CTNNA2: variants seen among roughly 807,000 people sequenced by gnomAD.
The protein encoded by CTNNA2 is catenin alpha 2.
A neutral mutation model predicts 101.0 loss-of-function variants in CTNNA2; 42 were observed. That is an observed-to-expected ratio of 0.42 (90% CI 0.32 to 0.54). The LOEUF is 0.54. Ranked by LOEUF, CTNNA2 falls within the 20% of genes least tolerant of loss-of-function variation. The probability of loss-of-function intolerance (pLI) is 0.14; values close to 1 mark genes in which losing one functional copy is unlikely to be tolerated. For synonymous variants in CTNNA2, 450 were observed against 456.4 expected (o/e 0.99, Z 0.18); for missense variants, 871 against 1,223.1 (o/e 0.71, Z 4.29).
chr2:79,258,376 G>A (rs570690216), intron 2 of CTNNA2, among the ~76,000 whole-genome samples: 6 of 152,298 alleles, frequency 3.9e-5, no homozygotes, highest in African/African-American at 1.2e-4. Context: ...GCTAAACAGA[G>A]CTACCTGTTC....
chr2:80,309,036 C>A (rs1175864449), intron 7 of CTNNA2, among the ~76,000 whole-genome samples: 1 of 151,886 alleles, frequency 6.6e-6, no homozygotes, highest in Non-Finnish European at 1.5e-5. Context: ...TTGCAGTGAG[C>A]CGAGATCACG....
At chr2:79,580,858 T>C (rs181400117) in intron 1 of CTNNA2, among the ~76,000 whole-genome samples, 39 of 152,284 alleles carry the variant, frequency 2.6e-4, no homozygotes, top group African/African-American at 8.9e-4. Context: ...CTGGTATATA[T>C]GCATGAGAAA....
intron 8 of CTNNA2, among the ~76,000 whole-genome samples, chr2:80,417,784 A>T (rs1309707567): frequency 1.3e-5 from 2 of 151,938 alleles, no homozygotes; most frequent in African/African-American, 2.4e-5. Flanking sequence ...CCTAGGGATG[A>T]TGGTATTATG....
intron 4 of CTNNA2, among the ~76,000 whole-genome samples, chr2:79,392,806 G>A (rs527409203): frequency 6.6e-6 from 1 of 152,016 alleles, no homozygotes; most frequent in African/African-American, 2.4e-5. Flanking sequence ...GATATCCTAT[G>A]CAGTAGGACC....
At chr2:80,083,653 G>A (rs912253049) in intron 7 of CTNNA2, among the ~76,000 whole-genome samples, 6 of 152,134 alleles carry the variant, frequency 3.9e-5, no homozygotes, top group African/African-American at 1.4e-4. Flanking sequence ...AACTTTGTCA[G>A]AGTCACCAGC....
chr2:80,573,627 G>A (rs540807171), intron 12 of CTNNA2, among the ~76,000 whole-genome samples: 2 of 152,206 alleles, frequency 1.3e-5, no homozygotes, highest in South Asian at 4.1e-4. Flanking sequence ...GAAGCCATTT[G>A]GGTTAAGGTC....
At chr2:79,935,923 A>G (rs1226708165) in intron 7 of CTNNA2, among the ~76,000 whole-genome samples, 3 of 152,234 alleles carry the variant, frequency 2.0e-5, no homozygotes, top group African/African-American at 4.8e-5. Flanking sequence ...TTGGACTGTC[A>G]AAGGACATGA....
chr2:79,753,865 CTCTT>C lies in CTNNA2; in HGVS notation c.298+9285_298+9288del, dbSNP rs1215382026. The stretch of plus-strand genomic sequence containing the variant: ...TTCCACTATTTTCTTTTCTTTTTCT[CTCTT>C]TTTTTTTTTTTTTTTTTGAGATGGA... On this transcript the variant is annotated intron_variant, in intron 3 of 18. Coordinates refer to ENST00000402739, the MANE Select transcript of CTNNA2 (RefSeq NM_001282597.3). Among the ~76,000 whole-genome samples, 5 of 140,216 alleles carry C rather than the reference CTCTT, an allele frequency of 3.6e-5. No homozygotes were observed. In the East Asian group the frequency reaches 1.0e-3, roughly 28 times the overall value. The allele number at this position is 140,216 out of a possible 152,430, so 92.0% of individuals were successfully genotyped here.
intron 7 of CTNNA2, among the ~76,000 whole-genome samples, chr2:80,068,172 A>G (rs1310186952): frequency 6.6e-6 from 1 of 152,206 alleles, no homozygotes; most frequent in African/African-American, 2.4e-5. Flanking sequence ...CAGGAAAAGG[A>G]CCCAGCAGGC....
chr2:79,213,955 A>T (rs1674212281), intron 2 of CTNNA2, among the ~76,000 whole-genome samples: 1 of 152,180 alleles, frequency 6.6e-6, no homozygotes, highest in South Asian at 2.1e-4. Context: ...GGCTAGGCTA[A>T]AACAGTAAGG....
chr2:79,290,568 G>T (rs13418768), intron 2 of CTNNA2, among the ~76,000 whole-genome samples: 1 of 151,994 alleles, frequency 6.6e-6, no homozygotes, highest in Non-Finnish European at 1.5e-5. Flanking sequence ...GTGACTCATC[G>T]TCGAGAGGAA....
chr2:80,639,151 T>C (rs908046799), intron 18 of CTNNA2, among the ~76,000 whole-genome samples: 7 of 152,214 alleles, frequency 4.6e-5, no homozygotes, highest in African/African-American at 1.7e-4. Flanking sequence ...CTTTAGGAGT[T>C]ATCGCACAGA....
intron 9 of CTNNA2, among the ~76,000 whole-genome samples, chr2:80,439,898 C>CA (rs1682405955): frequency 6.6e-6 from 1 of 152,084 alleles, no homozygotes; most frequent in African/African-American, 2.4e-5. Context: ...CTACTATGTG[C>CA]CAATAGTATT....
intron 11 of CTNNA2, among the ~76,000 whole-genome samples, chr2:80,551,489 TTAGC>T (rs959177346): frequency 2.0e-5 from 3 of 152,242 alleles, no homozygotes; most frequent in Middle Eastern, 3.2e-3. Flanking sequence ...ATCAATGATC[TTAGC>T]TAGATCTTTA....
At chr2:79,402,382 G>T (rs1038061861) in intron 4 of CTNNA2, among the ~76,000 whole-genome samples, 2 of 151,688 alleles carry the variant, frequency 1.3e-5, no homozygotes, top group African/African-American at 4.8e-5. Flanking sequence ...TTATCTGCAG[G>T]GGATGTGTCT....
Position 80,314,511 on chromosome 2 carries a change from G to A in CTNNA2, c.1057-78700G>A, listed in dbSNP as rs564098846. ...ATAGCAAGCAGCCTTTAACATATAG[G>A]GATGGCCATGGGACTGTCATTATTA... On this transcript the variant is annotated intron_variant, in intron 7 of 18. Coordinates refer to ENST00000402739, the MANE Select transcript of CTNNA2 (RefSeq NM_001282597.3). Among the ~76,000 whole-genome samples the A allele has an allele frequency of 5.9e-5, 9 of 152,224 alleles. No homozygotes were observed. The South Asian group carries it at 1.9e-3, about 32-fold the overall frequency.
intron 2 of CTNNA2, among the ~76,000 whole-genome samples, chr2:79,656,541 T>A (rs566228081): frequency 6.6e-6 from 1 of 152,276 alleles, no homozygotes; most frequent in Non-Finnish European, 1.5e-5. Context: ...AGGAATTTAC[T>A]GTTGATTAAT....
intron 13 of CTNNA2, 135 bp from the exon 14 acceptor site, chr2:80,581,571 C>A: frequency 1.7e-6 from 1 of 602,488 alleles, no homozygotes; most frequent in Non-Finnish European, 3.0e-6. Flanking sequence ...TACTCACCCA[C>A]ATAGCTGTGT....
intron 2 of CTNNA2, among the ~76,000 whole-genome samples, chr2:79,255,736 A>G (rs1674836503): frequency 6.6e-6 from 1 of 152,226 alleles, no homozygotes; most frequent in African/African-American, 2.4e-5. Flanking sequence ...TATTGTATGC[A>G]TAAGTTTATT....
Sources: allele counts gnomAD v4.1 joint callset (sites outside exome capture counted in the v4.1 genomes callset), GRCh38; gene constraint gnomAD v4.1.1; transcripts MANE v1.5; gene names NCBI Gene and HGNC (gene_info 2026-07-23, HGNC 2026-07-21).